GMDS: variants seen among roughly 807,000 people sequenced by gnomAD.
GMDS encodes GDP-mannose 4,6 dehydratase.
Under a neutral mutation model 49.9 loss-of-function variants are expected in GMDS, and 20 were observed. The observed-to-expected ratio is 0.40, with a 90% confidence interval of 0.28 to 0.58. The LOEUF is 0.58. GMDS is among the 20% of genes least tolerant of loss of function. GMDS has a pLI of 0.42. For missense variants in GMDS, 362 were observed against 481.4 expected, an observed-to-expected ratio of 0.75 and a Z score of 2.32; for synonymous variants, 177 against 178.6, an observed-to-expected ratio of 0.99 and a Z score of 0.07.
Position 2,013,925 on chromosome 6 carries a change from C to CATAT in GMDS, c.346-52963_346-52960dup, listed in dbSNP as rs10523956. Among the ~76,000 whole-genome samples the CATAT allele has an allele frequency of 6.1e-3, 756 of 124,774 alleles. 17 individuals carry two copies. Among genetic ancestry groups the CATAT allele is most frequent in the African/African-American group, 0.022 (614 of 28,122 alleles). The allele number at this position is 124,774 out of a possible 152,430, so 81.9% of individuals were successfully genotyped here. ...AGAGAACACCAGAGAGGATAAAAAC[C>CATAT]ATATATATATATATATATATATATA... On this transcript the variant is annotated intron_variant, in intron 4 of 10. Transcript: ENST00000380815.
chr6:2,087,911 C>G (rs192226762), intron 4 of GMDS, among the ~76,000 whole-genome samples: 1 of 152,226 alleles, frequency 6.6e-6, no homozygotes, highest in East Asian at 1.9e-4. Context: ...GACATTATTG[C>G]GCATCTTCTG....
chr6:1,675,235 C>T (rs1465159860), intron 9 of GMDS, among the ~76,000 whole-genome samples: 1 of 151,944 alleles, frequency 6.6e-6, no homozygotes, highest in Non-Finnish European at 1.5e-5. Flanking sequence ...AAATTGCACT[C>T]GTTCGTTGTT....
chr6:1,932,595 T>G (rs929560123), intron 6 of GMDS, among the ~76,000 whole-genome samples: 5 of 150,280 alleles, frequency 3.3e-5, no homozygotes, highest in African/African-American at 9.8e-5. Context: ...TGGAGTGCAG[T>G]GGCGCGATCT....
intron 4 of GMDS, among the ~76,000 whole-genome samples, chr6:2,033,502 T>C (rs1769096171): frequency 6.6e-6 from 1 of 152,222 alleles, no homozygotes; most frequent in Non-Finnish European, 1.5e-5. Flanking sequence ...CTGAACCAAA[T>C]AGTCTTCTGT....
intron 4 of GMDS, among the ~76,000 whole-genome samples, chr6:1,963,201 G>A (rs181317855): frequency 6.1e-4 from 92 of 151,540 alleles, no homozygotes; most frequent in African/African-American, 1.7e-3. Flanking sequence ...TTTAAAGACA[G>A]GGTCTCACTA....
intron 9 of GMDS, among the ~76,000 whole-genome samples, chr6:1,655,787 G>A (rs958993409): frequency 1.3e-5 from 2 of 152,188 alleles, no homozygotes; most frequent in African/African-American, 4.8e-5. Flanking sequence ...TTACAGGTGT[G>A]AGCCACCGCG....
Position 2,145,957 on chromosome 6 carries a change from C to T in GMDS, c.103-21226G>A, listed in dbSNP as rs147798677. Among the ~76,000 whole-genome samples the T allele has an allele frequency of 5.7e-3, 871 of 152,304 alleles. 2 individuals are homozygous for T. Among genetic ancestry groups the T allele is most frequent in the Middle Eastern group, 0.017 (5 of 294 alleles). On this transcript the variant is annotated intron_variant, in intron 1 of 10. Coordinates refer to ENST00000380815, the MANE Select transcript of GMDS (RefSeq NM_001500.4). Reference sequence around the variant, plus strand: ...ACCCATGAGGGTTCCTGGAACCAATCGCTCATGCATACTGAGAGACAACTA... The same window carrying T: ...ACCCATGAGGGTTCCTGGAACCAATTGCTCATGCATACTGAGAGACAACTA...
At chr6:1,913,655 T>C (rs997821473) in intron 7 of GMDS, among the ~76,000 whole-genome samples, 8 of 152,112 alleles carry the variant, frequency 5.3e-5, no homozygotes, top group African/African-American at 1.4e-4. Context: ...AAGAAGCCCA[T>C]AGTATAAGTT....
At chr6:1,848,201 C>A (rs192741386) in intron 7 of GMDS, among the ~76,000 whole-genome samples, 1 of 152,180 alleles carries the variant, frequency 6.6e-6, no homozygotes, top group Admixed American at 6.5e-5. Flanking sequence ...CAGGTCCCAA[C>A]GTACCGCCCC....
chr6:1,720,102 T>C (rs1766323605), intron 9 of GMDS, among the ~76,000 whole-genome samples: 1 of 152,156 alleles, frequency 6.6e-6, no homozygotes, highest in Non-Finnish European at 1.5e-5. Context: ...GATTTTTGAG[T>C]CTTTAATGAC....
chr6:1,864,459 A>G (rs886645164), intron 7 of GMDS, among the ~76,000 whole-genome samples: 1 of 152,220 alleles, frequency 6.6e-6, no homozygotes, highest in African/African-American at 2.4e-5. Context: ...TGATCAGACT[A>G]CTAGTCAAAA....
At chr6:2,121,081 G>A (rs1489003674) in intron 2 of GMDS, among the ~76,000 whole-genome samples, 3 of 152,132 alleles carry the variant, frequency 2.0e-5, no homozygotes, top group African/African-American at 7.2e-5. Flanking sequence ...AGTCTCAGAG[G>A]GGTTGAGTGA....
rs558916578 is a variant in GMDS, at chr6:1,760,539, A to G, written c.772-17953T>C. ...TCAGGGTCCTCATGAGGGTGTCATCAACCCATGGCCCCCGCAGTCCCCACC... is the reference window on the plus strand; with the variant it reads ...TCAGGGTCCTCATGAGGGTGTCATCGACCCATGGCCCCCGCAGTCCCCACC... On this transcript the variant is annotated intron_variant, in intron 7 of 10. Transcript: ENST00000380815. Among the ~76,000 whole-genome samples the G allele has an allele frequency of 1.1e-4, 16 of 152,266 alleles. No homozygotes were observed. The South Asian group carries it at 3.1e-3, about 30-fold the overall frequency.
intron 7 of GMDS, among the ~76,000 whole-genome samples, chr6:1,801,539 C>T (rs1170571645): frequency 6.6e-6 from 1 of 152,234 alleles, no homozygotes; most frequent in Non-Finnish European, 1.5e-5. Context: ...CCATGCAAAA[C>T]CCACTCACAT....
At chr6:1,909,944 A>T (rs1057108346) in intron 7 of GMDS, among the ~76,000 whole-genome samples, 3 of 152,194 alleles carry the variant, frequency 2.0e-5, no homozygotes, top group Admixed American at 6.5e-5. Context: ...ACTCCCGATC[A>T]AGATCCAGAG....
At chr6:2,209,089 A>T (rs910654282) in intron 1 of GMDS, among the ~76,000 whole-genome samples, 1 of 152,206 alleles carries the variant, frequency 6.6e-6, no homozygotes, top group Non-Finnish European at 1.5e-5. Context: ...ATTGCAAAAT[A>T]AAAAAAGAAA....
At chr6:2,235,044 G>A (rs1208548775) in intron 1 of GMDS, among the ~76,000 whole-genome samples, 1 of 152,164 alleles carries the variant, frequency 6.6e-6, no homozygotes, top group Non-Finnish European at 1.5e-5. Context: ...AGAATCGCTT[G>A]AACCTGGGAG....
intron 9 of GMDS, among the ~76,000 whole-genome samples, chr6:1,670,369 G>GTTTTTTT (rs1561715147): frequency 7.1e-6 from 1 of 140,796 alleles, no homozygotes. Context: ...GGTTTTTTTT[G>GTTTTTTT]GTTTTTTTTT....
intron 7 of GMDS, among the ~76,000 whole-genome samples, chr6:1,774,103 G>C (rs1379848542): frequency 1.3e-5 from 2 of 152,202 alleles, no homozygotes; most frequent in African/African-American, 2.4e-5. Flanking sequence ...TTCCCAAAGA[G>C]TGCTGACTAT....
Sources: gnomAD v4.1 joint callset for allele counts (sites outside exome capture counted in the v4.1 genomes callset) on GRCh38, gnomAD v4.1.1 for gene constraint, MANE v1.5 for transcripts, NCBI Gene and HGNC (gene_info 2026-07-23, HGNC 2026-07-21) for gene names.